The following SDCCAG8 variants were observed in gnomAD, a reference collection of about 807,000 sequenced individuals.
The protein encoded by SDCCAG8 is SHH signaling and ciliogenesis regulator SDCCAG8.
A neutral mutation model predicts 101.8 loss-of-function variants in SDCCAG8; 74 were observed. The ratio of observed to expected loss-of-function variants is 0.73; its 90% CI spans 0.60 to 0.88. The LOEUF is 0.88. SDCCAG8 is among the 40% of genes least tolerant of loss of function. The probability of loss-of-function intolerance (pLI) is 0.00; values close to 1 mark genes in which losing one functional copy is unlikely to be tolerated. For synonymous variants in SDCCAG8, 281 were observed against 292.9 expected, an observed-to-expected ratio of 0.96 and a Z score of 0.41; for missense variants, 787 against 822.6, an observed-to-expected ratio of 0.96 and a Z score of 0.53.
At chr1:243,364,880 A>C (rs780853636) in intron 12 of SDCCAG8, among the ~76,000 whole-genome samples, 14 of 152,212 alleles carry the variant, frequency 9.2e-5, no homozygotes, top group Non-Finnish European at 1.6e-4. Context: ...AAAAAAAAGA[A>C]TAAGTCTTAC....
chr1:243,262,048 G>A (rs1037541290), intron 1 of SDCCAG8, among the ~76,000 whole-genome samples: 22 of 151,448 alleles, frequency 1.5e-4, no homozygotes, highest in African/African-American at 5.3e-4. Flanking sequence ...AACCTCAGGT[G>A]ATCTGCCTGC....
Position 243,341,124 on chromosome 1 carries a change from T to A in SDCCAG8, c.1307T>A (p.Leu436Gln), listed in dbSNP as rs2075359183. ...TKEKISAINQ[L>Q]EEIQSQLASR... The stretch of plus-strand genomic sequence containing the variant: ...GAAAAGATTTCAGCTATTAATCAAC[T>A]GGAGGAAATTCAAAGCCAGCTGGCT... Residue 436 changes from leucine (L) to glutamine (Q), a missense_variant, in exon 11 of 18, where the codon CTG becomes CAG. Leu to Gln is a moderately radical substitution (Grantham distance 113). Coordinates refer to ENST00000366541, the MANE Select transcript of SDCCAG8 (RefSeq NM_006642.5). The A allele has an allele frequency of 1.9e-6, 3 of 1,614,084 alleles. No homozygotes were observed. The East Asian group carries it at 6.7e-5, about 36-fold the overall frequency.
intron 10 of SDCCAG8, among the ~76,000 whole-genome samples, chr1:243,336,361 T>A (rs2075011014): frequency 6.6e-6 from 1 of 152,206 alleles, no homozygotes; most frequent in Non-Finnish European, 1.5e-5. Flanking sequence ...GATTTGCATT[T>A]CTATGATGAT....
chr1:243,491,066 TC>T (rs1247374529), intron 17 of SDCCAG8, among the ~76,000 whole-genome samples: 1 of 152,216 alleles, frequency 6.6e-6, no homozygotes, highest in African/African-American at 2.4e-5. Flanking sequence ...TGGGGAGTCT[TC>T]CGTGGAAGCT....
intron 16 of SDCCAG8, among the ~76,000 whole-genome samples, chr1:243,438,685 A>G (rs2082319463): frequency 6.6e-6 from 1 of 152,166 alleles, no homozygotes; most frequent in Admixed American, 6.5e-5. Context: ...GGGCCTTTGA[A>G]GGGTTTTAAA....
chr1:243,382,297 T>C (rs2078006473), intron 13 of SDCCAG8, among the ~76,000 whole-genome samples: 1 of 152,158 alleles, frequency 6.6e-6, no homozygotes, highest in Admixed American at 6.5e-5. Flanking sequence ...TGAGAGTTGA[T>C]CTAGGAGACA....
chr1:243,468,257 A>C (rs1315696576), intron 16 of SDCCAG8, among the ~76,000 whole-genome samples: 1 of 149,098 alleles, frequency 6.7e-6, no homozygotes, highest in Non-Finnish European at 1.5e-5. Context: ...CAGCTGTGTC[A>C]CCCAGGCTGA....
intron 6 of SDCCAG8, among the ~76,000 whole-genome samples, chr1:243,296,978 C>G (rs1295209654): frequency 1.3e-5 from 2 of 152,040 alleles, no homozygotes; most frequent in African/African-American, 4.8e-5. Flanking sequence ...ACATAACATT[C>G]AGTAAAGTAC....
At chr1:243,270,852 C>A (rs2068023893) in intron 2 of SDCCAG8, 126 bp from the exon 3 acceptor site, 9 of 727,094 alleles carry the variant, frequency 1.2e-5, no homozygotes, top group Non-Finnish European at 2.3e-5. Context: ...TCTTGTATCC[C>A]CAGTTGATAG....
At chr1:243,292,747 A>G (rs1338163471) in intron 5 of SDCCAG8, among the ~76,000 whole-genome samples, 1 of 152,258 alleles carries the variant, frequency 6.6e-6, no homozygotes, top group Non-Finnish European at 1.5e-5. Flanking sequence ...TTAGCCATGC[A>G]TTTATGAAAC....
intron 16 of SDCCAG8, among the ~76,000 whole-genome samples, chr1:243,434,428 T>C (rs1193113621): frequency 6.6e-6 from 1 of 152,260 alleles, no homozygotes; most frequent in Non-Finnish European, 1.5e-5. Flanking sequence ...TAATATAAAA[T>C]TATACTCTTA....
rs3818802 is a variant in SDCCAG8 at position 243,286,579 on chromosome 1, G to A, written c.546+182G>A. ...GGTGGAATGAATCCTCAGATGAAAC[G>A]ATCTTGTGATATTTTGCTACAGTTT... On this transcript the variant is annotated intron_variant, in intron 5 of 17. Coordinates refer to ENST00000366541, the MANE Select transcript of SDCCAG8 (RefSeq NM_006642.5). Among the ~76,000 whole-genome samples, 66,518 of 152,010 alleles carry A rather than the reference G, an allele frequency of 0.44. 17,162 individuals carry two copies. Among genetic ancestry groups the A allele is most frequent in the East Asian group, 0.74 (3,841 of 5,156 alleles).
chr1:243,384,286 CTG>C (rs745814220), intron 13 of SDCCAG8, among the ~76,000 whole-genome samples: 28 of 152,124 alleles, frequency 1.8e-4, no homozygotes, highest in Non-Finnish European at 3.8e-4. Flanking sequence ...AAAATGGTGA[CTG>C]TATTCCAAAT....
At chr1:243,379,943 T>A (rs1485704014) in intron 13 of SDCCAG8, among the ~76,000 whole-genome samples, 1 of 152,186 alleles carries the variant, frequency 6.6e-6, no homozygotes, top group Non-Finnish European at 1.5e-5. Context: ...AAAAAAATAT[T>A]CTAGAGGTTG....
intron 16 of SDCCAG8, among the ~76,000 whole-genome samples, chr1:243,477,731 C>T (rs1662714833): frequency 6.6e-6 from 1 of 152,242 alleles, no homozygotes; most frequent in African/African-American, 2.4e-5. Context: ...AAAGTGTCCC[C>T]TTGGCCATGG....
intron 8 of SDCCAG8, among the ~76,000 whole-genome samples, chr1:243,309,661 G>A (rs1295628008): frequency 2.0e-5 from 3 of 152,032 alleles, no homozygotes; most frequent in Non-Finnish European, 2.9e-5. Flanking sequence ...GCCACACCCA[G>A]CTAATTAAAA....
intron 9 of SDCCAG8, among the ~76,000 whole-genome samples, chr1:243,318,901 G>C (rs2073504576): frequency 6.6e-6 from 1 of 152,124 alleles, no homozygotes; most frequent in Non-Finnish European, 1.5e-5. Flanking sequence ...GTGTTAATCT[G>C]TTTTGCATTG....
intron 13 of SDCCAG8, among the ~76,000 whole-genome samples, chr1:243,389,202 T>A (rs1015656351): frequency 5.5e-5 from 8 of 146,536 alleles, no homozygotes; most frequent in Non-Finnish European, 1.2e-4. Flanking sequence ...TGATTTTTCC[T>A]CTAAGAAATG....
At chr1:243,409,937 A>G (rs1380204881) in intron 13 of SDCCAG8, among the ~76,000 whole-genome samples, 3 of 152,318 alleles carry the variant, frequency 2.0e-5, no homozygotes, top group South Asian at 4.1e-4. Flanking sequence ...TGCATAGTCT[A>G]GGCATCTCCC....
Sources: allele counts gnomAD v4.1 joint callset (sites outside exome capture counted in the v4.1 genomes callset), GRCh38; gene constraint gnomAD v4.1.1; transcripts MANE v1.5; gene names NCBI Gene and HGNC (gene_info 2026-07-23, HGNC 2026-07-21).